Variants in PCDHGA10 observed in about 807,000 individuals in gnomAD.
The protein encoded by PCDHGA10 is protocadherin gamma subfamily A, 10.
PCDHGA10 carries 42 observed loss-of-function variants against 59.5 expected under a neutral mutation model. The ratio of observed to expected loss-of-function variants is 0.71; its 90% CI spans 0.55 to 0.91. PCDHGA10 has a LOEUF of 0.91. PCDHGA10 is among the 40% of genes least tolerant of loss of function. The pLI is 0.00. For synonymous variants in PCDHGA10, 511 were observed against 517.2 expected, an observed-to-expected ratio of 0.99 and a Z score of 0.16; for missense variants, 1,111 against 1,198.2, an observed-to-expected ratio of 0.93 and a Z score of 1.07.
In PCDHGA10 at chr5:141,494,832, G is replaced by A. The variant is rs758427900; in HGVS notation, c.2462G>A (p.Arg821His). The A allele has an allele frequency of 1.2e-6, 2 of 1,614,066 alleles. No homozygotes were observed. Among genetic ancestry groups the A allele is most frequent in the Non-Finnish European group, 1.7e-6 (2 of 1,179,994 alleles). The change falls in exon 2 of 4, where the codon CGT (arginine) becomes CAT (histidine). Residue 821 changes from arginine (R) to histidine (H), a missense_variant. Transcript: ENST00000398610. ...CAAGCCCCGCCCAACACGGACTGGC[G>A]TTTCTCTCAGGCCCAGAGACCCGGC... ...VPQAPPNTDW[R>H]FSQAQRPGTS...
chr5:141,418,670 G>T (rs767728571), intron 1 of PCDHGA10: 2 of 1,614,042 alleles, frequency 1.2e-6, no homozygotes, highest in Non-Finnish European at 1.7e-6. Context: ...TGACCAGGAC[G>T]AGGGCATCAA....
chr5:141,468,763 G>A (rs1341363934), intron 1 of PCDHGA10, among the ~76,000 whole-genome samples: 1 of 152,078 alleles, frequency 6.6e-6, no homozygotes, highest in Non-Finnish European at 1.5e-5. Flanking sequence ...CTACTCGGGA[G>A]GCTGAGGCAG....
chr5:141,419,967 TTCTC>T (rs1324855239), intron 1 of PCDHGA10: 2 of 1,614,086 alleles, frequency 1.2e-6, no homozygotes, highest in Admixed American at 3.3e-5. Context: ...TCTGTGCTCT[TTCTC>T]CTCGCGGTGA....
intron 2 of PCDHGA10, among the ~76,000 whole-genome samples, chr5:141,504,341 CTTTGTGCTAGGT>C (rs963088433): frequency 3.9e-5 from 6 of 152,020 alleles, no homozygotes; most frequent in African/African-American, 1.4e-4. Flanking sequence ...AAGTGCTAGG[CTTTGTGCTAGGT>C]GCTTCAGTAG....
Position 141,413,904 on chromosome 5 carries a change from G to T in PCDHGA10, c.729G>T (p.Ala243=), listed in dbSNP as rs1230344912. The T allele has an allele frequency of 1.9e-6, 3 of 1,613,160 alleles. No homozygotes were observed. Among genetic ancestry groups the T allele is most frequent in the East Asian group, 2.2e-5 (1 of 44,824 alleles). Reference sequence around the variant, plus strand: ...CTGTCTTCGATGCAAATGACAACGCGCCGGTCTTCACCTTGCCAGAATACC... The same window carrying T: ...CTGTCTTCGATGCAAATGACAACGCTCCGGTCTTCACCTTGCCAGAATACC... The part of the protein sequence containing the change: ...SVTVFDANDN[A]PVFTLPEYRV... Residue 243 remains alanine (A), a synonymous_variant, in exon 1 of 4, where the codon GCG becomes GCT. Coordinates refer to ENST00000398610, the MANE Select transcript of PCDHGA10 (RefSeq NM_018913.3).
chr5:141,415,754 T>TTTTG, intron 1 of PCDHGA10, 143 bp downstream of exon 1: 1 of 1,385,736 alleles, frequency 7.2e-7, no homozygotes, highest in Non-Finnish European at 9.3e-7. Flanking sequence ...TTTTTTTTTT[T>TTTTG]TTTTTTTTTT....
Position 141,490,526 on chromosome 5 carries a change from C to T in PCDHGA10, c.2437-4281C>T, listed in dbSNP as rs1270447529. 6.2e-7 allele frequency: 1 copy of T among 1,614,116 alleles called. No homozygotes were observed. Among genetic ancestry groups the T allele is most frequent in the Non-Finnish European group, 8.5e-7 (1 of 1,180,008 alleles). ...ATCATCGAGCTGCTGGCCAGCGATGCTGGTTCACCTTCCCTACACAAACAT... is the reference window on the plus strand; with the variant it reads ...ATCATCGAGCTGCTGGCCAGCGATGTTGGTTCACCTTCCCTACACAAACAT... On this transcript the variant is annotated intron_variant, in intron 1 of 3. Coordinates refer to ENST00000398610, the MANE Select transcript of PCDHGA10 (RefSeq NM_018913.3). The surrounding 1 kb of genome is among the most constrained non-coding windows in gnomAD (Gnocchi z 5.4).
chr5:141,450,210 G>T (rs2098673599), intron 1 of PCDHGA10, among the ~76,000 whole-genome samples: 1 of 151,786 alleles, frequency 6.6e-6, no homozygotes. Flanking sequence ...TAGAGACAAG[G>T]TTTCACTATG....
At chr5:141,455,959 G>A (rs112864392) in intron 1 of PCDHGA10, among the ~76,000 whole-genome samples, 2 of 150,430 alleles carry the variant, frequency 1.3e-5, no homozygotes. Flanking sequence ...GTGCAGTGGC[G>A]CGATCTCAGC....
At position 141,490,516 on chromosome 5, in the gene PCDHGA10, G is replaced by T. The variant is rs768123119; in HGVS notation, c.2437-4291G>T. The T allele has an allele frequency of 6.2e-7, 1 of 1,613,828 alleles. No individual in the cohort carries two copies. The highest frequency in any genetic ancestry group is 2.2e-5 in the East Asian group (1 of 44,864). On this transcript the variant is annotated intron_variant, in intron 1 of 3. Transcript: ENST00000398610. This position sits in a 1 kb window ranked among gnomAD's most constrained non-coding sequence, Gnocchi z 5.4. ...ATCCCACTATATCATCGAGCTGCTG[G>T]CCAGCGATGCTGGTTCACCTTCCCT... is the stretch of plus-strand genomic sequence containing the variant.
chr5:141,480,265 A>G (rs1041908141), intron 1 of PCDHGA10, among the ~76,000 whole-genome samples: 2 of 151,784 alleles, frequency 1.3e-5, no homozygotes, highest in African/African-American at 2.4e-5. Context: ...ATGTGTTTTC[A>G]TTAGCTGGGT....
At chr5:141,460,780 A>G (rs1387522399) in intron 1 of PCDHGA10, among the ~76,000 whole-genome samples, 3 of 152,042 alleles carry the variant, frequency 2.0e-5, no homozygotes, top group Non-Finnish European at 4.4e-5. Context: ...GTATGTATAC[A>G]TATATACACA....
rs779949480 is a variant in PCDHGA10, at chr5:141,489,768, C to G, written c.2437-5039C>G. The G allele has an allele frequency of 6.2e-7, 1 of 1,614,134 alleles. No individual in the cohort carries two copies. The highest frequency in any genetic ancestry group is 1.1e-5 in the South Asian group (1 of 91,072). On this transcript the variant is annotated intron_variant, in intron 1 of 3. Coordinates refer to ENST00000398610, the MANE Select transcript of PCDHGA10 (RefSeq NM_018913.3). The surrounding 1 kb of genome is among the most constrained non-coding windows in gnomAD (Gnocchi z 4.5). ...GCTTTTACACTCTAAGCCCCAACAG[C>G]CACTTCTCTCTGAATGTGAAGACCC...
chr5:141,477,274 G>A lies in PCDHGA10; in HGVS notation c.2437-17533G>A. The A allele has an allele frequency of 2.5e-6, 4 of 1,614,034 alleles. No homozygotes were observed. Among genetic ancestry groups the A allele is most frequent in the East Asian group, 2.2e-5 (1 of 44,880 alleles). ...ACCTGGATGCTGGCGAGAACGGGCT[G>A]GTGACCTGCGAAGTTCCACCGGGTC... On this transcript the variant is annotated intron_variant, in intron 1 of 3. Coordinates refer to ENST00000398610, the MANE Select transcript of PCDHGA10 (RefSeq NM_018913.3). This position sits in a 1 kb window ranked among gnomAD's most constrained non-coding sequence, Gnocchi z 4.9.
intron 1 of PCDHGA10, among the ~76,000 whole-genome samples, chr5:141,466,670 G>A (rs994949602): frequency 9.2e-5 from 14 of 152,046 alleles, no homozygotes; most frequent in African/African-American, 2.2e-4. Flanking sequence ...TGATTTCACC[G>A]TTCTTCCACT....
chr5:141,417,947 T>A (rs958624664), intron 1 of PCDHGA10: 53 of 1,613,420 alleles, frequency 3.3e-5, no homozygotes, highest in Middle Eastern at 1.7e-4. Context: ...CCCCACGCTG[T>A]GTGAGCCGAT....
chr5:141,420,845 G>T (rs1038454602), intron 1 of PCDHGA10, among the ~76,000 whole-genome samples: 4 of 152,200 alleles, frequency 2.6e-5, no homozygotes, highest in Non-Finnish European at 4.4e-5. Context: ...GGTGTTCTTG[G>T]TAAAGTTTTA....
chr5:141,490,405 ATC>A lies in PCDHGA10; in HGVS notation c.2437-4397_2437-4396del, dbSNP rs765446736. 1 of 1,614,142 alleles carries A rather than the reference ATC, an allele frequency of 6.2e-7. No individual in the cohort carries two copies. The highest frequency in any genetic ancestry group is 8.5e-7 in the Non-Finnish European group (1 of 1,180,028). ...TAGAAATGGTGAAGTGAGCCTTGATATCTCTCCGGACCTGCCATTTCAGATTA... is the reference window on the plus strand; with the variant it reads ...TAGAAATGGTGAAGTGAGCCTTGATATCTCCGGACCTGCCATTTCAGATTA... On this transcript the variant is annotated intron_variant, in intron 1 of 3. Transcript: ENST00000398610. The surrounding 1 kb of genome is among the most constrained non-coding windows in gnomAD (Gnocchi z 5.4).
intron 1 of PCDHGA10, among the ~76,000 whole-genome samples, chr5:141,488,938 A>T (rs1195859645): frequency 6.6e-6 from 1 of 152,154 alleles, no homozygotes; most frequent in East Asian, 1.9e-4. Context: ...AGGAAACTCC[A>T]TAATTGGTTG....
Sources: allele counts gnomAD v4.1 joint callset (sites outside exome capture counted in the v4.1 genomes callset), GRCh38; gene constraint gnomAD v4.1.1; non-coding constraint Gnocchi (gnomAD v3.1); transcripts MANE v1.5; gene names NCBI Gene and HGNC (gene_info 2026-07-23, HGNC 2026-07-21).